Variants in LIPK observed in about 807,000 individuals in gnomAD.
LIPK encodes the protein lipase member K.
Under a neutral mutation model 48.6 loss-of-function variants are expected in LIPK, and 32 were observed. That is an observed-to-expected ratio of 0.66 (90% CI 0.50 to 0.88). The LOEUF (loss-of-function observed/expected upper bound fraction) is 0.88. Among genes scored for constraint, LIPK ranks in the 40% least tolerant of loss-of-function variants. The probability of loss-of-function intolerance (pLI) is 0.00; values close to 1 mark genes in which losing one functional copy is unlikely to be tolerated. For synonymous variants in LIPK, 164 were observed against 157.4 expected (o/e 1.04, Z -0.32); for missense variants, 507 against 478.5 (o/e 1.06, Z -0.56).
intron 9 of LIPK, among the ~76,000 whole-genome samples, chr10:88,745,663 T>C (rs1772898162): frequency 6.6e-6 from 1 of 152,126 alleles, no homozygotes; most frequent in South Asian, 2.1e-4. Flanking sequence ...TGGTACCAGA[T>C]ACTACAAAAG....
intron 8 of LIPK, 107 bp downstream of exon 8, chr10:88,740,174 C>T (rs1590156155): frequency 3.2e-6 from 2 of 620,050 alleles, no homozygotes; most frequent in East Asian, 2.9e-5. Flanking sequence ...GCCACTGCCA[C>T]ATTGATGTTT....
intron 6 of LIPK, among the ~76,000 whole-genome samples, chr10:88,732,971 A>G (rs751152268): frequency 1.3e-5 from 2 of 152,140 alleles, no homozygotes; most frequent in Admixed American, 1.3e-4. Flanking sequence ...TTTGGTCAAG[A>G]CCTTAAGTTC....
At chr10:88,747,107 AC>A (rs1163852669) in intron 9 of LIPK, among the ~76,000 whole-genome samples, 2 of 152,124 alleles carry the variant, frequency 1.3e-5, no homozygotes, top group African/African-American at 4.8e-5. Context: ...AAGTTCCAAA[AC>A]TGAATCAGTA....
intron 7 of LIPK, among the ~76,000 whole-genome samples, chr10:88,738,327 C>T (rs1842615170): frequency 6.6e-6 from 1 of 151,970 alleles, no homozygotes; most frequent in African/African-American, 2.4e-5. Context: ...TCCATGATGA[C>T]CCAAGGAGTT....
chr10:88,722,819 T>C lies in LIPK; in HGVS notation c.-11-1714T>C, dbSNP rs377562712. ...AATTACTTGACTTTGTAAGACCCAG[T>C]TTTATTTTAAATAAAATGAGGACAA... is the stretch of plus-strand genomic sequence containing the variant. On this transcript the variant is annotated intron_variant, in intron 1 of 9. Coordinates refer to ENST00000404190, the MANE Select transcript of LIPK (RefSeq NM_001080518.2). Among the ~76,000 whole-genome samples the C allele has an allele frequency of 5.3e-5, 8 of 152,166 alleles. No individual in the cohort carries two copies. In the South Asian group the frequency reaches 1.7e-3, roughly 32 times the overall value.
At chr10:88,733,650 G>T (rs961502030) in intron 6 of LIPK, among the ~76,000 whole-genome samples, 1 of 152,188 alleles carries the variant, frequency 6.6e-6, no homozygotes, top group Non-Finnish European at 1.5e-5. Flanking sequence ...AACAATGTCA[G>T]ACTTTTTGCT....
chr10:88,730,944 A>G, intron 3 of LIPK, 39 bp from the exon 4 acceptor site: 1 of 1,490,144 alleles, frequency 6.7e-7, no homozygotes, highest in Non-Finnish European at 9.0e-7. Context: ...GACACTGAGA[A>G]AGTTCAAATA....
At chr10:88,714,969 T>G (rs1406724043) in intron 1 of LIPK, among the ~76,000 whole-genome samples, 1 of 152,094 alleles carries the variant, frequency 6.6e-6, no homozygotes, top group Admixed American at 6.5e-5. Flanking sequence ...ATTATAAACT[T>G]TTTTCTAACA....
At chr10:88,716,427 G>A (rs1483333861) in intron 1 of LIPK, among the ~76,000 whole-genome samples, 1 of 136,090 alleles carries the variant, frequency 7.3e-6, no homozygotes, top group Non-Finnish European at 1.5e-5. Flanking sequence ...GCCCGATCTC[G>A]GTTCACTGCA....
chr10:88,732,615 A>G, intron 6 of LIPK, 64 bp downstream of exon 6: 2 of 1,468,756 alleles, frequency 1.4e-6, no homozygotes, highest in Non-Finnish European at 1.8e-6. Context: ...ATTGATTTCA[A>G]CAGAAGACCA....
intron 1 of LIPK, among the ~76,000 whole-genome samples, chr10:88,709,635 A>ATT (rs879711268): frequency 6.2e-5 from 9 of 144,178 alleles, no homozygotes; most frequent in Admixed American, 5.5e-4. Context: ...TCCTCTTTCT[A>ATT]TTTTTTTTTT....
intron 2 of LIPK, 63 bp from the exon 3 acceptor site, chr10:88,726,731 TA>T: frequency 1.2e-6 from 1 of 805,568 alleles, no homozygotes; most frequent in Non-Finnish European, 2.1e-6. Flanking sequence ...TACTATGTTG[TA>T]ATTCATGTGT....
intron 1 of LIPK, among the ~76,000 whole-genome samples, chr10:88,710,940 C>A (rs2134679557): frequency 6.6e-6 from 1 of 152,150 alleles, no homozygotes; most frequent in Middle Eastern, 3.4e-3. Context: ...ATGGAAAGGT[C>A]CAGTAGCTCC....
At chr10:88,751,884 C>T (rs992912467) in intron 9 of LIPK, among the ~76,000 whole-genome samples, 1 of 152,152 alleles carries the variant, frequency 6.6e-6, no homozygotes, top group African/African-American at 2.4e-5. Context: ...ATCTCTCATA[C>T]AATCACTGTG....
chr10:88,738,763 CTTG>C (rs1275074884), intron 7 of LIPK, among the ~76,000 whole-genome samples: 2 of 152,316 alleles, frequency 1.3e-5, no homozygotes, highest in East Asian at 3.9e-4. Context: ...TTCATTGGCC[CTTG>C]TTGTCCATAT....
intron 2 of LIPK, 137 bp downstream of exon 2, chr10:88,724,785 G>C: frequency 1.6e-6 from 1 of 628,314 alleles, no homozygotes; most frequent in Non-Finnish European, 2.8e-6. Context: ...CCTGTTTCTT[G>C]ATATGGCTAA....
intron 6 of LIPK, among the ~76,000 whole-genome samples, chr10:88,736,763 T>C (rs1055097146): frequency 1.4e-4 from 21 of 152,178 alleles, no homozygotes; most frequent in African/African-American, 5.1e-4. Flanking sequence ...TTCTGAAACC[T>C]GGAGTTGGCT....
intron 1 of LIPK, among the ~76,000 whole-genome samples, chr10:88,721,119 T>C (rs77111724): frequency 6.6e-6 from 1 of 151,328 alleles, no homozygotes; most frequent in South Asian, 2.1e-4. Context: ...CTTAGTCTAA[T>C]ATCCTTATAT....
chr10:88,715,392 A>G (rs1564973626), intron 1 of LIPK, among the ~76,000 whole-genome samples: 1 of 152,120 alleles, frequency 6.6e-6, no homozygotes, highest in Non-Finnish European at 1.5e-5. Context: ...ACATTATGAA[A>G]TATCTCACTT....
Sources: allele counts gnomAD v4.1 joint callset (sites outside exome capture counted in the v4.1 genomes callset), GRCh38; gene constraint gnomAD v4.1.1; transcripts MANE v1.5; gene names NCBI Gene and HGNC (gene_info 2026-07-23, HGNC 2026-07-21).